Variants in SLX9 observed in about 807,000 individuals in gnomAD.
The protein encoded by SLX9 is ribosome biogenesis protein SLX9 homolog.
Under a neutral mutation model 20.8 loss-of-function variants are expected in SLX9, and 19 were observed. That is an observed-to-expected ratio of 0.91 (90% confidence interval 0.64 to 1.34). The LOEUF (loss-of-function observed/expected upper bound fraction) is 1.34, where lower values mean the gene tolerates loss of function less well. Ranked by LOEUF, SLX9 falls within the 40% of genes most tolerant of loss-of-function variation. The probability of loss-of-function intolerance (pLI) is 0.00; values close to 1 mark genes in which losing one functional copy is unlikely to be tolerated. For missense variants in SLX9, 299 were observed against 322.2 expected, an observed-to-expected ratio of 0.93 and a Z score of 0.55; for synonymous variants, 113 against 137.1, an observed-to-expected ratio of 0.82 and a Z score of 1.23.
chr21:44,939,800 A>AC, upstream of SLX9: 1 of 547,690 alleles, frequency 1.8e-6, no homozygotes, highest in Non-Finnish European at 3.3e-6. Context: ...TGGGTCCCCC[A>AC]CGATCTAGAC....
At chr21:44,959,032 G>A (rs2084908072) in intron 2 of SLX9, among the ~76,000 whole-genome samples, 1 of 152,234 alleles carries the variant, frequency 6.6e-6, no homozygotes, top group East Asian at 1.9e-4. Flanking sequence ...GGTCGGGAGG[G>A]AGAGGTTGGG....
chr21:44,974,010 C>T lies in SLX9; in HGVS notation c.569+745C>T, dbSNP rs544500184. On this transcript the variant is annotated intron_variant, in intron 5 of 5. Transcript: ENST00000291634. The stretch of plus-strand genomic sequence containing the variant: ...TTGGTTCTGTGACTGGGCACTGCGG[C>T]CCCCAGTTAGCAGGGCTAGGACACT... Among the ~76,000 whole-genome samples the T allele has an allele frequency of 1.2e-4, 19 of 152,338 alleles. No homozygotes were observed. The East Asian group carries it at 2.9e-3, about 23-fold the overall frequency.
At chr21:44,955,973 C>G (rs2084850969) in intron 2 of SLX9, among the ~76,000 whole-genome samples, 1 of 152,242 alleles carries the variant, frequency 6.6e-6, no homozygotes, top group Admixed American at 6.5e-5. Flanking sequence ...CGGCCTGTAC[C>G]TTTGGAGGAT....
At chr21:44,973,148 G>T in intron 4 of SLX9, 49 bp from the exon 5 acceptor site, 1 of 1,608,290 alleles carries the variant, frequency 6.2e-7, no homozygotes, top group Non-Finnish European at 8.5e-7. Flanking sequence ...ACGGGAAGGT[G>T]TTTAGGGGAT....
chr21:44,960,260 C>A, intron 3 of SLX9, 92 bp downstream of exon 3: 1 of 1,212,772 alleles, frequency 8.2e-7, no homozygotes, highest in Non-Finnish European at 1.2e-6. Context: ...TGGCCTTCTA[C>A]ATCAGCCACA....
chr21:44,941,715 A>G (rs2084552757), intron 1 of SLX9, among the ~76,000 whole-genome samples: 1 of 152,152 alleles, frequency 6.6e-6, no homozygotes, highest in Admixed American at 6.5e-5. Flanking sequence ...GCGTCCTTGA[A>G]CATGCGCACA....
In SLX9 at chr21:44,973,196, G is replaced by A. The variant is rs554952024; in HGVS notation, c.501-1G>A. 1 of 1,613,076 alleles carries A rather than the reference G, an allele frequency of 6.2e-7. No homozygotes were observed. On this transcript the variant is annotated splice_acceptor_variant, in intron 4 of 5. Transcript: ENST00000291634. LOFTEE classifies it high-confidence loss of function. Reference sequence around the variant, plus strand: ...CTCACGTGGCTTCTCTGTGTCCACAGCAGGGAGAGCAACAAGCCCCGGCCC... The same window carrying A: ...CTCACGTGGCTTCTCTGTGTCCACAACAGGGAGAGCAACAAGCCCCGGCCC...
At chr21:44,974,264 C>G (rs1345757041) in intron 5 of SLX9, among the ~76,000 whole-genome samples, 1 of 152,050 alleles carries the variant, frequency 6.6e-6, no homozygotes, top group Non-Finnish European at 1.5e-5. Flanking sequence ...TCTACCGAGG[C>G]CCATTGTGCC....
Position 44,958,995 on chromosome 21 carries a change from G to A in SLX9, c.284-1105G>A, listed in dbSNP as rs79659350. On this transcript the variant is annotated intron_variant, in intron 2 of 5. Transcript: ENST00000291634. ...GAAACAATTTCAAAACTACAGAAAA[G>A]CTGCAAAATCAGCCCCTCCCCTTTG... Among the ~76,000 whole-genome samples, 252 of 152,314 alleles carry A rather than the reference G, an allele frequency of 1.7e-3. 1 individual carries two copies. Among genetic ancestry groups the A allele is most frequent in the Non-Finnish European group, 2.7e-3 (186 of 68,022 alleles).
chr21:44,968,822 T>C (rs1298990564), intron 4 of SLX9, among the ~76,000 whole-genome samples: 1 of 151,654 alleles, frequency 6.6e-6, no homozygotes, highest in Non-Finnish European at 1.5e-5. Flanking sequence ...GGCACGATCT[T>C]GGCTCACTGC....
intron 4 of SLX9, among the ~76,000 whole-genome samples, chr21:44,970,695 C>T (rs1020617867): frequency 6.6e-6 from 1 of 152,194 alleles, no homozygotes; most frequent in African/African-American, 2.4e-5. Context: ...GGTCAGCAGG[C>T]GAGCACCAGT....
chr21:44,944,787 G>A (rs1006549845), intron 2 of SLX9, among the ~76,000 whole-genome samples: 1 of 152,254 alleles, frequency 6.6e-6, no homozygotes, highest in African/African-American at 2.4e-5. Flanking sequence ...TAGATGGCCC[G>A]TTAAGATCGT....
intron 2 of SLX9, among the ~76,000 whole-genome samples, chr21:44,954,412 C>A (rs963716536): frequency 2.0e-5 from 3 of 152,156 alleles, no homozygotes; most frequent in Non-Finnish European, 4.4e-5. Flanking sequence ...AATGTCGAAC[C>A]CCTGGCTGGG....
chr21:44,953,446 C>T (rs549500668), intron 2 of SLX9, among the ~76,000 whole-genome samples: 24 of 152,084 alleles, frequency 1.6e-4, no homozygotes, highest in Middle Eastern at 3.4e-3. Context: ...GCACCATCCC[C>T]GGCGGTGGGG....
intron 2 of SLX9, among the ~76,000 whole-genome samples, chr21:44,953,952 C>T (rs528610462): frequency 1.1e-4 from 17 of 152,302 alleles, no homozygotes; most frequent in Admixed American, 6.5e-4. Context: ...ATGGGGACGG[C>T]GGTGGTTCTG....
intron 5 of SLX9, among the ~76,000 whole-genome samples, chr21:44,974,850 C>T (rs112567854): frequency 7.3e-4 from 111 of 152,356 alleles, no homozygotes; most frequent in African/African-American, 1.8e-3. Context: ...CCTCCCTCTC[C>T]GCCTCTCCCC....
At chr21:44,975,135 C>T (rs1447699718) in intron 5 of SLX9, among the ~76,000 whole-genome samples, 2 of 152,162 alleles carry the variant, frequency 1.3e-5, no homozygotes, top group Non-Finnish European at 2.9e-5. Flanking sequence ...TGCTTTCTGG[C>T]GCCTGTGGAC....
chr21:44,950,612 G>A (rs1333953721), intron 2 of SLX9, among the ~76,000 whole-genome samples: 2 of 152,236 alleles, frequency 1.3e-5, no homozygotes, highest in Non-Finnish European at 2.9e-5. Flanking sequence ...ACCAGGGGTC[G>A]GAGGTGTGGC....
At chr21:44,951,594 A>G (rs2146628128) in intron 2 of SLX9, among the ~76,000 whole-genome samples, 1 of 152,282 alleles carries the variant, frequency 6.6e-6, no homozygotes, top group African/African-American at 2.4e-5. Context: ...TGATTGAGAA[A>G]GCAGCGCGTA....
Sources: gnomAD v4.1 joint callset for allele counts (sites outside exome capture counted in the v4.1 genomes callset) on GRCh38, gnomAD v4.1.1 for gene constraint, MANE v1.5 for transcripts, NCBI Gene and HGNC (gene_info 2026-07-23, HGNC 2026-07-21) for gene names.